ARHGAP39: variants seen among roughly 807,000 people sequenced by gnomAD.
ARHGAP39 encodes Rho GTPase activating protein 39, also known as rho GTPase-activating protein 39.
Under a neutral mutation model 106.9 loss-of-function variants are expected in ARHGAP39, and 44 were observed. The observed-to-expected ratio is 0.41, with a 90% CI of 0.32 to 0.53. The LOEUF is 0.53. Among genes scored for constraint, ARHGAP39 ranks in the 20% least tolerant of loss-of-function variants. The pLI is 0.21. For synonymous variants in ARHGAP39, 768 were observed against 693.2 expected, an observed-to-expected ratio of 1.11 and a Z score of -1.69; for missense variants, 1,496 against 1,577.3, an observed-to-expected ratio of 0.95 and a Z score of 0.87.
chr8:144,551,183 C>T (rs1817675493), intron 4 of ARHGAP39, among the ~76,000 whole-genome samples: 1 of 150,930 alleles, frequency 6.6e-6, no homozygotes, highest in Admixed American at 6.6e-5. Flanking sequence ...AGGCGCCTTT[C>T]TGCTGTCCGT....
intron 1 of ARHGAP39, among the ~76,000 whole-genome samples, chr8:144,648,787 G>A (rs1459609267): frequency 6.6e-6 from 1 of 152,176 alleles, no homozygotes; most frequent in African/African-American, 2.4e-5. Context: ...CAGAAATCAA[G>A]AAGTTCCTTG....
intron 7 of ARHGAP39, 72 bp downstream of exon 7, chr8:144,537,649 G>C: frequency 8.3e-7 from 1 of 1,209,000 alleles, no homozygotes; most frequent in Non-Finnish European, 1.2e-6. Flanking sequence ...GAGAAGAGAA[G>C]GCCAGGCGGC....
At chr8:144,676,159 T>C (rs1822232838) in intron 1 of ARHGAP39, among the ~76,000 whole-genome samples, 1 of 152,244 alleles carries the variant, frequency 6.6e-6, no homozygotes, top group African/African-American at 2.4e-5. Context: ...GTGTTGCCGC[T>C]GCTGGCTTGG....
At position 144,549,785 on chromosome 8, in the gene ARHGAP39, G is replaced by A. The variant is rs543566932; in HGVS notation, c.597-1296C>T. Reference sequence around the variant, plus strand: ...TGGGATTACAGGTGTGAGCCACCGCGCCCAGCCCCACGTGGTTTTCATGCT... The same window carrying A: ...TGGGATTACAGGTGTGAGCCACCGCACCCAGCCCCACGTGGTTTTCATGCT... On this transcript the variant is annotated intron_variant, in intron 4 of 11. Coordinates refer to ENST00000377307, the MANE Select transcript of ARHGAP39 (RefSeq NM_025251.3). Among the ~76,000 whole-genome samples the A allele has an allele frequency of 3.9e-5, 6 of 152,190 alleles. No homozygotes were observed. In the South Asian group the frequency reaches 8.3e-4, roughly 21 times the overall value.
At chr8:144,601,747 G>C (rs1456928768) in intron 2 of ARHGAP39, among the ~76,000 whole-genome samples, 1 of 147,868 alleles carries the variant, frequency 6.8e-6, no homozygotes, top group Non-Finnish European at 1.5e-5. Context: ...GTGGAGGCGT[G>C]TGTGCTCGTG....
Position 144,545,361 on chromosome 8 carries a change from G to A in ARHGAP39, c.2409C>T (p.Arg803=), listed in dbSNP as rs760479420. ...TENFRLESLA[R]GWELMAICLA... is the part of the protein sequence containing the mutation. ...GGCAGATGGCCATGAGCTCCCAGCC[G>A]CGGGCCAGGCTCTCCAGGCGGAAGT... Residue 803 remains arginine, a synonymous_variant, in exon 6 of 12, where the codon CGC becomes CGT. Coordinates refer to ENST00000377307, the MANE Select transcript of ARHGAP39 (RefSeq NM_025251.3). 3.6e-5 allele frequency: 57 copies of A among 1,600,374 alleles called. No homozygotes were observed. Among genetic ancestry groups the A allele is most frequent in the Non-Finnish European group, 4.6e-5 (54 of 1,171,168 alleles).
At chr8:144,691,196 T>C in the ARHGAP39 span, among the ~76,000 whole-genome samples, 2 of 152,160 alleles carry the variant, frequency 1.3e-5, no homozygotes, top group Non-Finnish European at 2.9e-5. Context: ...CAGGATTGAT[T>C]TGCAGGCACA....
At chr8:144,674,387 C>A (rs1489424903) in intron 1 of ARHGAP39, among the ~76,000 whole-genome samples, 1 of 152,206 alleles carries the variant, frequency 6.6e-6, no homozygotes, top group African/African-American at 2.4e-5. Flanking sequence ...GAGACTCGGA[C>A]TGGTTAGCTC....
At chr8:144,603,687 C>CTCAAAAAAAAAAAAAAAA (rs1820169248) in intron 2 of ARHGAP39, among the ~76,000 whole-genome samples, 2 of 77,720 alleles carry the variant, frequency 2.6e-5, no homozygotes, top group Non-Finnish European at 5.6e-5. Flanking sequence ...GAGACTCCAT[C>CTCAAAAAAAAAAAAAAAA]AAAAAAAAAA....
intron 2 of ARHGAP39, among the ~76,000 whole-genome samples, chr8:144,602,289 G>C (rs563355340): frequency 2.2e-5 from 3 of 137,610 alleles, no homozygotes; most frequent in African/African-American, 5.7e-5. Context: ...GTGGAGGCGT[G>C]TGTGCTCGTG....
At chr8:144,618,440 G>C (rs952502092) in intron 1 of ARHGAP39, among the ~76,000 whole-genome samples, 1 of 152,268 alleles carries the variant, frequency 6.6e-6, no homozygotes, top group African/African-American at 2.4e-5. Context: ...TAGTTTAATA[G>C]GTGACGGGAG....
At chr8:144,631,841 C>A (rs1224923107) in intron 1 of ARHGAP39, among the ~76,000 whole-genome samples, 2 of 152,254 alleles carry the variant, frequency 1.3e-5, no homozygotes, top group Non-Finnish European at 2.9e-5. Context: ...AGAGAAAGGG[C>A]CTCCACACCG....
At chr8:144,680,884 A>G (rs1428342316) in intron 1 of ARHGAP39, among the ~76,000 whole-genome samples, 1 of 152,200 alleles carries the variant, frequency 6.6e-6, no homozygotes, top group Admixed American at 6.5e-5. Flanking sequence ...ATTTCATGTT[A>G]ACAAAACTCA....
Position 144,530,319 on chromosome 8 carries a change from A to G in ARHGAP39, c.*103T>C. Reference sequence around the variant, plus strand: ...GGCCTGGGGGAGTGGAGGGGGCTCCAGGGCTGGGCCGGGCGATTCTGGCCC... The same window carrying G: ...GGCCTGGGGGAGTGGAGGGGGCTCCGGGGCTGGGCCGGGCGATTCTGGCCC... On this transcript the variant is annotated 3_prime_UTR_variant, in exon 12 of 12. Transcript: ENST00000377307. The G allele has an allele frequency of 7.7e-7, 1 of 1,306,994 alleles. No individual in the cohort carries two copies. Among genetic ancestry groups the G allele is most frequent in the East Asian group, 2.5e-5 (1 of 39,244 alleles). 81.0% of individuals were successfully genotyped at this position (1,306,994 alleles called of 1,614,324 possible).
intron 1 of ARHGAP39, among the ~76,000 whole-genome samples, chr8:144,667,872 C>G (rs991070820): frequency 2.0e-5 from 3 of 152,074 alleles, no homozygotes; most frequent in Non-Finnish European, 4.4e-5. Flanking sequence ...GTAACAATGC[C>G]AACAGCAATG....
At chr8:144,577,948 T>C (rs1017439493) in intron 3 of ARHGAP39, among the ~76,000 whole-genome samples, 1 of 152,140 alleles carries the variant, frequency 6.6e-6, no homozygotes, top group Non-Finnish European at 1.5e-5. Flanking sequence ...AGCTTACAGA[T>C]CCAACACAAT....
At chr8:144,558,902 G>A (rs564886679) in intron 3 of ARHGAP39, among the ~76,000 whole-genome samples, 13 of 151,448 alleles carry the variant, frequency 8.6e-5, no homozygotes, top group Non-Finnish European at 1.2e-4. Flanking sequence ...GCAAAACCTC[G>A]TCTCTACTAA....
At chr8:144,632,956 A>G (rs1049166958) in intron 1 of ARHGAP39, among the ~76,000 whole-genome samples, 2 of 152,234 alleles carry the variant, frequency 1.3e-5, no homozygotes, top group African/African-American at 4.8e-5. Context: ...CCTAAGCAAC[A>G]TAGTGAGACC....
At chr8:144,561,360 G>A (rs370700607) in intron 3 of ARHGAP39, among the ~76,000 whole-genome samples, 22 of 150,860 alleles carry the variant, frequency 1.5e-4, no homozygotes, top group Admixed American at 1.3e-3. Flanking sequence ...GGTTTCCATC[G>A]GGCCCCAGTG....
Sources: allele counts gnomAD v4.1 joint callset (sites outside exome capture counted in the v4.1 genomes callset), GRCh38; gene constraint gnomAD v4.1.1; transcripts MANE v1.5; gene names NCBI Gene and HGNC (gene_info 2026-07-23, HGNC 2026-07-21).